The following BAZ1A variants were observed in gnomAD, a reference collection of about 807,000 sequenced individuals.
BAZ1A encodes the protein bromodomain adjacent to zinc finger domain 1A.
BAZ1A carries 50 observed loss-of-function variants against 185.2 expected under a neutral mutation model. The ratio of observed to expected loss-of-function variants is 0.27; its 90% CI spans 0.22 to 0.34. BAZ1A has a LOEUF of 0.34. BAZ1A is among the 10% of genes least tolerant of loss of function. The pLI, the probability that BAZ1A is intolerant of heterozygous loss-of-function variation, is 1.00. For synonymous variants in BAZ1A, 571 were observed against 615.6 expected, an observed-to-expected ratio of 0.93 and a Z score of 1.07; for missense variants, 1,356 against 1,839.9, an observed-to-expected ratio of 0.74 and a Z score of 4.81.
At chr14:34,802,110 A>G (rs1393928722) in intron 7 of BAZ1A, among the ~76,000 whole-genome samples, 2 of 152,188 alleles carry the variant, frequency 1.3e-5, no homozygotes, top group Non-Finnish European at 2.9e-5. Flanking sequence ...TATCAAATAT[A>G]AAAGATGCAG....
At chr14:34,771,958 T>C (rs992534943) in intron 20 of BAZ1A, among the ~76,000 whole-genome samples, 4 of 130,290 alleles carry the variant, frequency 3.1e-5, no homozygotes, top group African/African-American at 1.1e-4. Flanking sequence ...TGTTTTGCCC[T>C]TTTTTTTTGC....
chr14:34,803,380 G>GA (rs11448366), intron 6 of BAZ1A, among the ~76,000 whole-genome samples: 57,140 of 114,676 alleles, frequency 0.5, 13,703 homozygotes, highest in South Asian at 0.55. Context: ...TCCATCTCAG[G>GA]AAAAAAAAAA....
intron 3 of BAZ1A, among the ~76,000 whole-genome samples, chr14:34,834,189 C>T (rs915406337): frequency 3.9e-5 from 6 of 152,108 alleles, no homozygotes; most frequent in African/African-American, 1.2e-4. Context: ...TCTATCAGGG[C>T]TCATAATATT....
intron 3 of BAZ1A, among the ~76,000 whole-genome samples, chr14:34,855,074 G>A (rs1460826112): frequency 2.0e-5 from 3 of 152,050 alleles, no homozygotes; most frequent in South Asian, 2.1e-4. Flanking sequence ...GTGTAACTAC[G>A]TCTCAAATAA....
chr14:34,778,427 A>AT (rs1279590986), intron 17 of BAZ1A, among the ~76,000 whole-genome samples: 3 of 152,102 alleles, frequency 2.0e-5, no homozygotes, highest in Non-Finnish European at 4.4e-5. Context: ...GTTCGGAAGT[A>AT]TTTTTTCGTT....
chr14:34,827,762 A>G (rs573948917), intron 3 of BAZ1A, among the ~76,000 whole-genome samples: 12 of 151,266 alleles, frequency 7.9e-5, no homozygotes, highest in Non-Finnish European at 1.6e-4. Flanking sequence ...AAAGTCATAT[A>G]TTGGCACAAT....
chr14:34,794,535 T>C (rs750606838), intron 11 of BAZ1A, among the ~76,000 whole-genome samples: 8 of 152,102 alleles, frequency 5.3e-5, no homozygotes, highest in Non-Finnish European at 8.8e-5. Context: ...AGGTGCCACA[T>C]AATAAGTATG....
chr14:34,752,877 A>AAAAC lies in BAZ1A; in HGVS notation c.*627_*630dup, dbSNP rs1395705725. The AAAAC allele has an allele frequency of 6.6e-6, 1 of 152,372 alleles. No homozygotes were observed. The highest frequency in any genetic ancestry group is 1.5e-5 in the Non-Finnish European group (1 of 68,044). 9.4% of individuals were successfully genotyped at this position (152,372 alleles called of 1,614,324 possible). Reference sequence around the variant, plus strand: ...GATCATTAAGGAAGTTAGAGGAATAAAAACACAGTAAAAGGTTTAAAACAT... The same window carrying AAAAC: ...GATCATTAAGGAAGTTAGAGGAATAAAAACAAACACAGTAAAAGGTTTAAAACAT... On this transcript the variant is annotated 3_prime_UTR_variant, in exon 27 of 27. Transcript: ENST00000360310.
intron 3 of BAZ1A, among the ~76,000 whole-genome samples, chr14:34,840,312 GT>G (rs1465510405): frequency 2.6e-5 from 4 of 152,020 alleles, no homozygotes; most frequent in Admixed American, 2.6e-4. Flanking sequence ...AAAAATCCCT[GT>G]TTTTTCAGAA....
intron 6 of BAZ1A, among the ~76,000 whole-genome samples, chr14:34,806,028 T>C (rs1881838935): frequency 6.6e-6 from 1 of 152,092 alleles, no homozygotes. Context: ...CTATTTCTCC[T>C]AAGTACCTCA....
intron 3 of BAZ1A, among the ~76,000 whole-genome samples, chr14:34,847,735 T>C (rs972790878): frequency 1.4e-4 from 22 of 152,224 alleles, no homozygotes; most frequent in Non-Finnish European, 3.1e-4. Flanking sequence ...ATTTTATGAT[T>C]CATTAACAGC....
intron 11 of BAZ1A, among the ~76,000 whole-genome samples, chr14:34,794,209 G>T (rs968564117): frequency 1.3e-5 from 2 of 152,036 alleles, no homozygotes; most frequent in Non-Finnish European, 2.9e-5. Context: ...ATTTTACCAT[G>T]TGACAGCCAA....
chr14:34,768,195 A>T (rs2138565482), intron 21 of BAZ1A, among the ~76,000 whole-genome samples: 1 of 152,320 alleles, frequency 6.6e-6, no homozygotes, highest in South Asian at 2.1e-4. Flanking sequence ...TCTTACTAAT[A>T]TAAAATACTG....
At chr14:34,781,524 C>G (rs997285527) in intron 16 of BAZ1A, among the ~76,000 whole-genome samples, 3 of 105,582 alleles carry the variant, frequency 2.8e-5, no homozygotes, top group Non-Finnish European at 3.9e-5. Context: ...TTGTCACTAG[C>G]TGCTTTTTTT....
At chr14:34,838,719 T>A (rs2042366744) in intron 3 of BAZ1A, among the ~76,000 whole-genome samples, 1 of 151,976 alleles carries the variant, frequency 6.6e-6, no homozygotes, top group Admixed American at 6.6e-5. Context: ...GAGACAGGGT[T>A]TCACCATGTT....
At chr14:34,826,298 GAA>G (rs1476804970) in intron 3 of BAZ1A, 142 bp from the exon 4 acceptor site, 1 of 764,460 alleles carries the variant, frequency 1.3e-6, no homozygotes, top group African/African-American at 1.9e-5. Flanking sequence ...TAATTAAAAA[GAA>G]AATCTGTAAC....
chr14:34,791,958 G>A (rs1384988521), intron 12 of BAZ1A, among the ~76,000 whole-genome samples: 8 of 152,096 alleles, frequency 5.3e-5, no homozygotes, highest in African/African-American at 1.7e-4. Flanking sequence ...ATATTTAAGC[G>A]TGCAGAACTT....
chr14:34,795,067 T>TGA (rs1881110747), intron 10 of BAZ1A, among the ~76,000 whole-genome samples, 180 bp from the exon 11 acceptor site: 1 of 152,226 alleles, frequency 6.6e-6, no homozygotes, highest in African/African-American at 2.4e-5. Flanking sequence ...GTCCTGAACT[T>TGA]GTTCCAACTT....
intron 25 of BAZ1A, among the ~76,000 whole-genome samples, chr14:34,758,364 AAGGTC>A (rs1886362286): frequency 6.6e-6 from 1 of 151,698 alleles, no homozygotes; most frequent in Non-Finnish European, 1.5e-5. Flanking sequence ...GGCAGATCAC[AAGGTC>A]AGGAGATTGA....
Sources: gnomAD v4.1 joint callset for allele counts (sites outside exome capture counted in the v4.1 genomes callset) on GRCh38, gnomAD v4.1.1 for gene constraint, MANE v1.5 for transcripts, NCBI Gene and HGNC (gene_info 2026-07-23, HGNC 2026-07-21) for gene names.